Variants in ZNF407 observed in about 807,000 individuals in gnomAD.
ZNF407 encodes zinc finger protein 407.
A neutral mutation model predicts 131.2 loss-of-function variants in ZNF407; 17 were observed. The ratio of observed to expected loss-of-function variants is 0.13; its 90% CI spans 0.09 to 0.19. The LOEUF is 0.19. ZNF407 is among the 10% of genes least tolerant of loss of function. ZNF407 has a pLI of 1.00. For missense variants in ZNF407, 2,681 were observed against 2,830.6 expected (o/e 0.95, Z 1.20); for synonymous variants, 1,156 against 1,062.0 (o/e 1.09, Z -1.72).
intron 4 of ZNF407, among the ~76,000 whole-genome samples, chr18:74,837,402 A>G (rs1340595980): frequency 2.0e-5 from 3 of 152,006 alleles, no homozygotes; most frequent in Non-Finnish European, 4.4e-5. Flanking sequence ...TGAGGCTTAC[A>G]TTAAAAAAAA....
intron 8 of ZNF407, among the ~76,000 whole-genome samples, chr18:74,944,474 T>C (rs1165879699): frequency 1.3e-5 from 2 of 152,202 alleles, no homozygotes; most frequent in African/African-American, 4.8e-5. Context: ...CACACTAGAT[T>C]TTATTCTAAC....
chr18:74,797,417 C>A (rs566879305), intron 4 of ZNF407, among the ~76,000 whole-genome samples: 1 of 152,148 alleles, frequency 6.6e-6, no homozygotes, highest in Non-Finnish European at 1.5e-5. Context: ...CTTTGGCAAC[C>A]AATGAATGGT....
intron 4 of ZNF407, among the ~76,000 whole-genome samples, chr18:74,869,557 C>A (rs755494531): frequency 1.1e-4 from 16 of 152,280 alleles, no homozygotes; most frequent in Middle Eastern, 3.4e-3. Context: ...ACTTCTTGAA[C>A]CCTGAGAATG....
At chr18:74,644,364 A>C (rs931225758) in intron 3 of ZNF407, among the ~76,000 whole-genome samples, 1 of 151,526 alleles carries the variant, frequency 6.6e-6, no homozygotes, top group African/African-American at 2.4e-5. Context: ...AATAATAGAA[A>C]CTATACCTAT....
chr18:74,648,296 G>A (rs1985068449), intron 3 of ZNF407, among the ~76,000 whole-genome samples: 1 of 152,142 alleles, frequency 6.6e-6, no homozygotes, highest in Non-Finnish European at 1.5e-5. Context: ...CATGGCGTGC[G>A]GGATGTGCAC....
At chr18:74,751,539 C>T (rs1968802905) in intron 3 of ZNF407, among the ~76,000 whole-genome samples, 1 of 151,736 alleles carries the variant, frequency 6.6e-6, no homozygotes, top group East Asian at 1.9e-4. Flanking sequence ...CACCACACGA[C>T]AGGCCCCCAT....
chr18:74,899,710 C>T (rs184715616), intron 7 of ZNF407, among the ~76,000 whole-genome samples: 127 of 152,252 alleles, frequency 8.3e-4, no homozygotes, highest in Middle Eastern at 6.8e-3. Context: ...GGAGGGACCT[C>T]CAGGAAAGAG....
intron 7 of ZNF407, among the ~76,000 whole-genome samples, chr18:74,908,990 T>C (rs1034226275): frequency 6.6e-6 from 1 of 152,112 alleles, no homozygotes; most frequent in Non-Finnish European, 1.5e-5. Context: ...GATTATTCTA[T>C]ATGCATTTTG....
chr18:74,918,034 T>C (rs1971796157), intron 7 of ZNF407, among the ~76,000 whole-genome samples: 1 of 152,210 alleles, frequency 6.6e-6, no homozygotes, highest in African/African-American at 2.4e-5. Context: ...TTTACCCAGC[T>C]TGAAGAATTC....
rs185696647 is a variant in ZNF407, at chr18:74,977,720, C to T, written c.5428+57028C>T. On this transcript the variant is annotated intron_variant, in intron 8 of 8. Transcript: ENST00000299687. ...TCCTCACTGGAGAGTCCCCTCTCTG[C>T]GAGATCCCCACAGTCAGAATACGTT... 7.2e-5 allele frequency among the ~76,000 whole-genome samples: 11 copies of T among 152,210 alleles called. No homozygotes were observed. In the East Asian group the frequency reaches 1.9e-3, roughly 27 times the overall value.
At chr18:74,863,487 T>C (rs1343120454) in intron 4 of ZNF407, among the ~76,000 whole-genome samples, 3 of 152,096 alleles carry the variant, frequency 2.0e-5, no homozygotes, top group Non-Finnish European at 4.4e-5. Context: ...TCTTTTGTTT[T>C]TGTGAATAGC....
intron 3 of ZNF407, among the ~76,000 whole-genome samples, chr18:74,650,782 C>G (rs1353510875): frequency 2.0e-5 from 3 of 152,152 alleles, no homozygotes; most frequent in African/African-American, 7.2e-5. Flanking sequence ...AAAAAATTTA[C>G]TGGCTTTATA....
rs186414491 is a variant in ZNF407 at position 75,052,955 on chromosome 18, C to A, written c.5429-10195C>A. ...TTAGTGAAAAGGCGAAATAGTGTTG[C>A]CTGTTTAACAAAGCCTTTAATTTCC... On this transcript the variant is annotated intron_variant, in intron 8 of 8. Transcript: ENST00000299687. 2.6e-5 allele frequency among the ~76,000 whole-genome samples: 4 copies of A among 152,302 alleles called. No homozygotes were observed. In the South Asian group the frequency reaches 8.3e-4, roughly 32 times the overall value.
chr18:74,976,797 G>T (rs1972533462), intron 8 of ZNF407, among the ~76,000 whole-genome samples: 1 of 152,210 alleles, frequency 6.6e-6, no homozygotes, highest in Non-Finnish European at 1.5e-5. Context: ...ATCCACACCT[G>T]CATTCTGTCA....
intron 8 of ZNF407, among the ~76,000 whole-genome samples, chr18:74,974,467 T>A (rs561705499): frequency 2.6e-5 from 4 of 152,250 alleles, no homozygotes; most frequent in Admixed American, 2.6e-4. Context: ...GACATCTCAC[T>A]TTTTCCCCCC....
At chr18:74,971,571 CCAG>C (rs1972472934) in intron 8 of ZNF407, among the ~76,000 whole-genome samples, 1 of 152,220 alleles carries the variant, frequency 6.6e-6, no homozygotes, top group Non-Finnish European at 1.5e-5. Context: ...CACCTTTACT[CCAG>C]TTCTCAACAA....
intron 7 of ZNF407, among the ~76,000 whole-genome samples, chr18:74,895,642 A>T (rs1971444377): frequency 6.6e-6 from 1 of 152,234 alleles, no homozygotes; most frequent in Non-Finnish European, 1.5e-5. Context: ...TATCTCAGTT[A>T]TAAAACATGT....
intron 3 of ZNF407, among the ~76,000 whole-genome samples, chr18:74,684,776 A>C (rs1312102617): frequency 6.6e-6 from 1 of 152,200 alleles, no homozygotes; most frequent in African/African-American, 2.4e-5. Flanking sequence ...CGTGAGTTCG[A>C]ACTTTAGTTA....
chr18:74,729,042 G>A (rs1008881489), intron 3 of ZNF407, among the ~76,000 whole-genome samples: 1 of 152,114 alleles, frequency 6.6e-6, no homozygotes, highest in Non-Finnish European at 1.5e-5. Context: ...TCCAGTTTTG[G>A]TGCCAGGACA....
Sources: gnomAD v4.1 joint callset for allele counts (sites outside exome capture counted in the v4.1 genomes callset) on GRCh38, gnomAD v4.1.1 for gene constraint, MANE v1.5 for transcripts, NCBI Gene and HGNC (gene_info 2026-07-23, HGNC 2026-07-21) for gene names.